The following SLC35B3 variants were observed in gnomAD, a reference collection of about 807,000 sequenced individuals.
SLC35B3 encodes the protein adenosine 3'-phospho 5'-phosphosulfate transporter 2.
Under a neutral mutation model 44.1 loss-of-function variants are expected in SLC35B3, and 35 were observed. The ratio of observed to expected loss-of-function variants is 0.79; its 90% CI spans 0.61 to 1.05. The LOEUF (loss-of-function observed/expected upper bound fraction) is 1.05, where lower values mean the gene tolerates loss of function less well. Among genes scored for constraint, SLC35B3 ranks in the 50% least tolerant of loss-of-function variants. SLC35B3 has a pLI of 0.00. For missense variants in SLC35B3, 414 were observed against 476.4 expected (o/e 0.87, Z 1.22); for synonymous variants, 146 against 167.3 (o/e 0.87, Z 0.98).
At chr6:8,421,978 A>C (rs956258409) in intron 5 of SLC35B3, among the ~76,000 whole-genome samples, 8 of 149,538 alleles carry the variant, frequency 5.3e-5, no homozygotes, top group African/African-American at 2.0e-4. Flanking sequence ...GACTTCAGAA[A>C]CTAAGGCATA....
intron 4 of SLC35B3, among the ~76,000 whole-genome samples, chr6:8,425,727 A>T (rs1763349811): frequency 6.6e-6 from 1 of 152,222 alleles, no homozygotes; most frequent in Non-Finnish European, 1.5e-5. Flanking sequence ...AAAGGATTAA[A>T]CATTTGTATC....
In SLC35B3 at chr6:8,427,965, G is replaced by A. The variant is rs535191243; in HGVS notation, c.391C>T (p.Leu131Phe). ...CTCCTTTTGTCCTGAATAAGCTGAA[G>A]TTCTATTAGGCCAAATATGGAGTAA... The change falls in exon 4 of 11, where the codon CTT becomes TTT. Residue 131 changes from leucine (L) to phenylalanine (F), a missense_variant. Transcript: ENST00000644923. The A allele has an allele frequency of 2.4e-5, 39 of 1,612,606 alleles. No individual in the cohort carries two copies. The South Asian group carries it at 4.3e-4, about 18-fold the overall frequency.
At position 8,420,918 on chromosome 6, in the gene SLC35B3, T is replaced by G. The variant is rs1762835186; in HGVS notation, c.575-90A>C. 1.0e-6 allele frequency: 1 copy of G among 991,742 alleles called. No homozygotes were observed. The highest frequency in any genetic ancestry group is 1.5e-6 in the Non-Finnish European group (1 of 676,668). 61.4% of individuals were successfully genotyped at this position (991,742 alleles called of 1,614,324 possible). ...ATGTGTTAAGTAGAACATGGATTTG[T>G]TTTTTTATATCCAATGCCAAAAACG... On this transcript the variant is annotated intron_variant, in intron 5 of 10. Transcript: ENST00000644923. This position sits in a 1 kb window ranked among gnomAD's most constrained non-coding sequence, Gnocchi z 4.4.
rs1460674211 is a variant in SLC35B3, at chr6:8,433,226, T to C, written c.3+1159A>G. 6.6e-6 allele frequency among the ~76,000 whole-genome samples: 1 copy of C among 152,194 alleles called. No individual in the cohort carries two copies. The highest frequency in any genetic ancestry group is 6.5e-5 in the Admixed American group (1 of 15,278). ...AATCAATTCTTCCCTTTCTGACCCATCTGTCACATGGCTCAACGTGAAGTC... is the reference window on the plus strand; with the variant it reads ...AATCAATTCTTCCCTTTCTGACCCACCTGTCACATGGCTCAACGTGAAGTC... On this transcript the variant is annotated intron_variant, in intron 2 of 10. Transcript: ENST00000644923. The surrounding 1 kb of genome is among the most constrained non-coding windows in gnomAD (Gnocchi z 4.1).
chr6:8,422,617 C>G lies in SLC35B3; in HGVS notation c.427G>C (p.Gly143Arg). 1 of 1,604,120 alleles carries G rather than the reference C, an allele frequency of 6.2e-7. No homozygotes were observed. The highest frequency in any genetic ancestry group is 8.5e-7 in the Non-Finnish European group (1 of 1,177,304). Residue 143 changes from glycine to arginine, a missense_variant, in exon 5 of 11, where the codon GGA becomes CGA. Physicochemically the swap from Gly to Arg is moderately radical, Grantham distance 125. Transcript: ENST00000644923. Reference sequence around the variant, plus strand: ...AAAGCTATTATCATGTAGGTTTTTCCTGGTATTCTGTAAAAGACAATTTTT... The same window carrying G: ...AAAGCTATTATCATGTAGGTTTTTCGTGGTATTCTGTAAAAGACAATTTTT...
At chr6:8,426,463 A>G (rs57036990) in intron 4 of SLC35B3, among the ~76,000 whole-genome samples, 4,602 of 152,078 alleles carry the variant, frequency 0.03, 247 homozygotes, top group African/African-American at 0.11. Flanking sequence ...TTTCCCCCAT[A>G]TTGTTCTCAT....
rs1764083158 is a variant in SLC35B3, at chr6:8,432,453, T to G, written c.3+1932A>C. Among the ~76,000 whole-genome samples the G allele has an allele frequency of 6.6e-6, 1 of 152,130 alleles. No individual in the cohort carries two copies. Among genetic ancestry groups the G allele is most frequent in the African/African-American group, 2.4e-5 (1 of 41,436 alleles). ...TTCTTCTGAGATGTTTGTAATTTAGTAAACTGCCAAGCATATTGTAATGAC... is the reference window on the plus strand; with the variant it reads ...TTCTTCTGAGATGTTTGTAATTTAGGAAACTGCCAAGCATATTGTAATGAC... On this transcript the variant is annotated intron_variant, in intron 2 of 10. Coordinates refer to ENST00000644923, the MANE Select transcript of SLC35B3 (RefSeq NM_001370476.2). The surrounding 1 kb of genome is among the most constrained non-coding windows in gnomAD (Gnocchi z 4.8).
rs796207473 is a variant in SLC35B3 at position 8,435,412 on chromosome 6, C to T, written c.-113G>A. On this transcript the variant is annotated 5_prime_UTR_variant, in exon 1 of 11. Transcript: ENST00000644923. The surrounding 1 kb of genome is among the most constrained non-coding windows in gnomAD (Gnocchi z 5.5). ...GGCGTCTGAGCTAGACGGAGCATCT[C>T]CCCCTCCCCTGGTCCGTCGCCATCA... 3.2e-5 allele frequency: 41 copies of T among 1,286,518 alleles called. 1 individual carries two copies. In the African/African-American group the frequency reaches 4.2e-4, roughly 13 times the overall value. The allele number at this position is 1,286,518 out of a possible 1,614,324, so 79.7% of individuals were successfully genotyped here. A position where few individuals can be genotyped will look rare whatever the true frequency, so the allele number is the denominator to read the frequency against.
chr6:8,413,657 A>G lies in SLC35B3; in HGVS notation c.1098T>C (p.Leu366=), dbSNP rs3757099. ...TATCCATATTTTTGCTGTAAACATT[A>G]AGAAATATACCAAGGACAACTAACA... Residue 366 remains leucine, a synonymous_variant, in exon 11 of 11, where the codon CTT becomes CTC. Transcript: ENST00000644923. 0.26 allele frequency: 409,238 copies of G among 1,578,168 alleles called. 60,893 individuals are homozygous for G. The highest frequency in any genetic ancestry group is 0.66 in the African/African-American group (48,842 of 73,858).
intron 5 of SLC35B3, among the ~76,000 whole-genome samples, chr6:8,421,304 A>G (rs893117879): frequency 1.3e-5 from 2 of 152,200 alleles, no homozygotes; most frequent in Non-Finnish European, 2.9e-5. Context: ...TTATTTTCAT[A>G]TATCATTATT....
Position 8,434,474 on chromosome 6 carries a change from C to A in SLC35B3, c.-43-44G>T. On this transcript the variant is annotated intron_variant, in intron 1 of 10. Transcript: ENST00000644923. This position sits in a 1 kb window ranked among gnomAD's most constrained non-coding sequence, Gnocchi z 6.3. ...AAACAGAAAAAACAAAGTTCCATCT[C>A]ATTTCTTTGTACACACATCATTACA... The A allele has an allele frequency of 6.4e-7, 1 of 1,556,058 alleles. No homozygotes were observed. The highest frequency in any genetic ancestry group is 8.8e-7 in the Non-Finnish European group (1 of 1,133,910).
chr6:8,424,312 G>T (rs1007693316), intron 4 of SLC35B3, among the ~76,000 whole-genome samples: 2 of 152,172 alleles, frequency 1.3e-5, no homozygotes, highest in Non-Finnish European at 2.9e-5. Flanking sequence ...GAGTGCAGTG[G>T]CGCCATCTTG....
rs749090801 is a variant in SLC35B3, at chr6:8,411,801, A to G, written c.*1748T>C. ...TATATTATACTCACAAAATATAAACAGTGTCCCCAAGAGCACTAAGCTTTT... is the reference window on the plus strand; with the variant it reads ...TATATTATACTCACAAAATATAAACGGTGTCCCCAAGAGCACTAAGCTTTT... On this transcript the variant is annotated 3_prime_UTR_variant, in exon 11 of 11. Coordinates refer to ENST00000644923, the MANE Select transcript of SLC35B3 (RefSeq NM_001370476.2). Among the ~76,000 whole-genome samples the G allele has an allele frequency of 5.3e-5, 8 of 152,118 alleles. No homozygotes were observed. Among genetic ancestry groups the G allele is most frequent in the Non-Finnish European group, 1.2e-4 (8 of 68,014 alleles).
At position 8,419,498 on chromosome 6, in the gene SLC35B3, TATAATAATTATTTCATCAAATTAC is replaced by T; in HGVS notation, c.780+58_780+81del. ...ATGAGTTTAAAAATGCAATGCTAGT[TATAATAATTATTTCATCAAATTAC>T]GTGTATCACCATTTTTTAAATCTGT... On this transcript the variant is annotated intron_variant, in intron 7 of 10. Coordinates refer to ENST00000644923, the MANE Select transcript of SLC35B3 (RefSeq NM_001370476.2). The surrounding 1 kb of genome is among the most constrained non-coding windows in gnomAD (Gnocchi z 4.3). The T allele has an allele frequency of 3.0e-6, 2 of 671,792 alleles. No homozygotes were observed. Among genetic ancestry groups the T allele is most frequent in the Non-Finnish European group, 4.9e-6 (2 of 410,492 alleles). 41.6% of individuals were successfully genotyped at this position (671,792 alleles called of 1,614,324 possible).
At chr6:8,414,772 C>A (rs1304683789) in intron 10 of SLC35B3, 136 bp downstream of exon 9, 10 of 437,018 alleles carry the variant, frequency 2.3e-5, no homozygotes, top group South Asian at 1.3e-4. Context: ...GGAAAAAAAA[C>A]CACATTAATT....
intron 9 of SLC35B3, 26 bp downstream of exon 8, chr6:8,416,858 A>C (rs780301975): frequency 6.7e-6 from 8 of 1,189,204 alleles, no homozygotes; most frequent in African/African-American, 1.6e-5. Flanking sequence ...CTTATTTTAT[A>C]ATCAAAGCAA....
chr6:8,422,699 TG>T (rs1260897762), intron 4 of SLC35B3, 75 bp from the exon 4 acceptor site: 21 of 1,120,504 alleles, frequency 1.9e-5, no homozygotes, highest in Non-Finnish European at 2.7e-5. Context: ...GTTCACATTG[TG>T]TAAATGTCTA....
At chr6:8,424,517 C>T (rs1763237051) in intron 4 of SLC35B3, among the ~76,000 whole-genome samples, 1 of 152,136 alleles carries the variant, frequency 6.6e-6, no homozygotes, top group South Asian at 2.1e-4. Flanking sequence ...GCCTCGGCCT[C>T]CCAAAGTGCT....
chr6:8,429,118 T>C (rs3799256), intron 3 of SLC35B3, among the ~76,000 whole-genome samples: 77,143 of 151,868 alleles, frequency 0.51, 20,764 homozygotes, highest in African/African-American at 0.71. Context: ...ATTACAAAGG[T>C]TTTCTCAAGT....
Sources: allele counts gnomAD v4.1 joint callset (sites outside exome capture counted in the v4.1 genomes callset), GRCh38; gene constraint gnomAD v4.1.1; non-coding constraint Gnocchi (gnomAD v3.1); transcripts MANE v1.5; gene names NCBI Gene and HGNC (gene_info 2026-07-23, HGNC 2026-07-21).